Variants in DLG2 observed in about 807,000 individuals in gnomAD.
DLG2 encodes the protein disks large homolog 2.
DLG2 carries 45 observed loss-of-function variants against 132.5 expected under a neutral mutation model. The observed-to-expected ratio is 0.34, with a 90% confidence interval of 0.27 to 0.44. The LOEUF is 0.44. Among genes scored for constraint, DLG2 ranks in the 20% least tolerant of loss-of-function variants. The pLI, the probability that DLG2 is intolerant of heterozygous loss-of-function variation, is 1.00. For synonymous variants in DLG2, 424 were observed against 419.6 expected (o/e 1.01, Z -0.13); for missense variants, 1,045 against 1,196.9 (o/e 0.87, Z 1.87).
chr11:83,687,118 AT>A (rs2094172170), intron 18 of DLG2, among the ~76,000 whole-genome samples: 1 of 152,144 alleles, frequency 6.6e-6, no homozygotes, highest in African/African-American at 2.4e-5. Context: ...TAGACCAGGT[AT>A]TTCCCTAGTG....
intron 6 of DLG2, among the ~76,000 whole-genome samples, chr11:84,652,532 T>C (rs2099683297): frequency 1.3e-5 from 2 of 152,154 alleles, no homozygotes; most frequent in South Asian, 4.1e-4. Flanking sequence ...TCAAACTGTT[T>C]ATGGAATGTG....
intron 3 of DLG2, among the ~76,000 whole-genome samples, chr11:85,457,184 C>CT (rs35970313): frequency 3.2e-4 from 43 of 132,596 alleles, no homozygotes; most frequent in Admixed American, 1.3e-3. Flanking sequence ...CCTTCTTTGT[C>CT]TTTTTTTTTT....
At chr11:83,576,851 G>A (rs2096881278) in intron 19 of DLG2, among the ~76,000 whole-genome samples, 1 of 152,142 alleles carries the variant, frequency 6.6e-6, no homozygotes, top group Admixed American at 6.6e-5. Context: ...AAGTACCCTG[G>A]GAATGGTAAC....
intron 15 of DLG2, among the ~76,000 whole-genome samples, chr11:83,929,504 T>A (rs1179534678): frequency 4.6e-5 from 7 of 152,242 alleles, no homozygotes; most frequent in African/African-American, 1.7e-4. Flanking sequence ...TCTTTTTTGT[T>A]ATTTATCATA....
chr11:85,255,290 T>C (rs1369542172), intron 4 of DLG2, among the ~76,000 whole-genome samples: 1 of 152,202 alleles, frequency 6.6e-6, no homozygotes, highest in Non-Finnish European at 1.5e-5. Context: ...AGCAGTGTTT[T>C]AATTTTACCT....
Position 84,844,105 on chromosome 11 carries a change from TTGTGTGTGTGTG to T in DLG2, c.357+267544_357+267555del, listed in dbSNP as rs1213298818. ...TGTGTGTATATATATATATATATGT[TTGTGTGTGTGTG>T]TGTGTGTGTGTGTGTGTGTATATAT... On this transcript the variant is annotated intron_variant, in intron 6 of 27. Transcript: ENST00000376104. 2.9e-3 allele frequency among the ~76,000 whole-genome samples: 234 copies of T among 80,892 alleles called. 1 individual carries two copies. Among genetic ancestry groups the T allele is most frequent in the Non-Finnish European group, 3.5e-3 (137 of 38,738 alleles). The allele number at this position is 80,892 out of a possible 152,430, so 53.1% of individuals were successfully genotyped here.
chr11:84,690,123 G>T (rs1048387662), intron 6 of DLG2, among the ~76,000 whole-genome samples: 1 of 151,716 alleles, frequency 6.6e-6, no homozygotes, highest in Admixed American at 6.6e-5. Context: ...GGGGTTGGGG[G>T]TAGGGGGAAA....
chr11:85,214,094 A>G (rs952403670), intron 4 of DLG2, among the ~76,000 whole-genome samples: 1 of 152,114 alleles, frequency 6.6e-6, no homozygotes, highest in African/African-American at 2.4e-5. Context: ...CAAGAAAATT[A>G]CCTCAGCCCA....
chr11:83,622,191 G>A (rs1257854446), intron 19 of DLG2, among the ~76,000 whole-genome samples: 1 of 152,120 alleles, frequency 6.6e-6, no homozygotes, highest in Non-Finnish European at 1.5e-5. Context: ...GCCTCCCAAA[G>A]TGCTGCGATT....
chr11:84,933,524 T>C (rs1241582564), intron 6 of DLG2, among the ~76,000 whole-genome samples: 2 of 152,180 alleles, frequency 1.3e-5, no homozygotes, highest in African/African-American at 4.8e-5. Flanking sequence ...ATTTGTGTCA[T>C]CTCTGATTTT....
At chr11:84,579,053 T>G (rs903875783) in intron 6 of DLG2, among the ~76,000 whole-genome samples, 2 of 152,188 alleles carry the variant, frequency 1.3e-5, no homozygotes, top group Non-Finnish European at 2.9e-5. Context: ...AAGTGCCTTT[T>G]GCCTCCCGCC....
chr11:84,412,292 T>C (rs1364486115), intron 7 of DLG2, among the ~76,000 whole-genome samples: 5 of 151,638 alleles, frequency 3.3e-5, no homozygotes, highest in Admixed American at 1.3e-4. Context: ...TCTACATTTA[T>C]TTTCTAGCTG....
chr11:84,231,453 C>G (rs910248889), intron 8 of DLG2, among the ~76,000 whole-genome samples: 44 of 152,194 alleles, frequency 2.9e-4, no homozygotes, highest in African/African-American at 1.0e-3. Context: ...GGAAGTGCTT[C>G]AAGAATGACT....
intron 5 of DLG2, among the ~76,000 whole-genome samples, chr11:85,150,692 G>A (rs544439631): frequency 7.1e-6 from 1 of 140,672 alleles, no homozygotes; most frequent in African/African-American, 2.7e-5. Flanking sequence ...TGTTCCTAAG[G>A]CTACATAGTG....
intron 6 of DLG2, among the ~76,000 whole-genome samples, chr11:84,631,754 C>T (rs750730503): frequency 5.3e-5 from 8 of 152,188 alleles, no homozygotes; most frequent in Middle Eastern, 3.4e-3. Flanking sequence ...GCAAGGAATA[C>T]GGGTACCAGC....
chr11:83,763,283 A>G (rs1243632393), intron 18 of DLG2, among the ~76,000 whole-genome samples: 1 of 150,348 alleles, frequency 6.7e-6, no homozygotes, highest in African/African-American at 2.5e-5. Context: ...CCCAGGTAAT[A>G]AGGATAATAC....
At chr11:84,300,478 T>A (rs1599394198) in intron 7 of DLG2, among the ~76,000 whole-genome samples, 1 of 152,366 alleles carries the variant, frequency 6.6e-6, no homozygotes, top group African/African-American at 2.4e-5. Context: ...GACCCTGCTA[T>A]ATTTAGGATA....
chr11:83,528,386 A>G (rs1386457573), intron 21 of DLG2, among the ~76,000 whole-genome samples: 2 of 152,044 alleles, frequency 1.3e-5, no homozygotes, highest in African/African-American at 4.8e-5. Context: ...TTCTTTGTCA[A>G]CCTCATTTGC....
chr11:84,455,870 C>A (rs774093055), intron 7 of DLG2, among the ~76,000 whole-genome samples: 3 of 151,278 alleles, frequency 2.0e-5, no homozygotes, highest in Non-Finnish European at 4.4e-5. Context: ...GGAATACAGG[C>A]CAAAAAGATC....
Sources: gnomAD v4.1 joint callset for allele counts (sites outside exome capture counted in the v4.1 genomes callset) on GRCh38, gnomAD v4.1.1 for gene constraint, MANE v1.5 for transcripts, NCBI Gene and HGNC (gene_info 2026-07-23, HGNC 2026-07-21) for gene names.